The following BRD10 variants were observed in gnomAD, a reference collection of about 807,000 sequenced individuals.
The protein encoded by BRD10 is uncharacterized bromodomain-containing protein 10.
chr9:5,990,896 T>A, the BRD10 span, among the ~76,000 whole-genome samples: 4 of 152,224 alleles, frequency 2.6e-5, no homozygotes, highest in Non-Finnish European at 5.9e-5. Context: ...CCAACAGATG[T>A]AATTCAACAA....
chr9:5,914,862 C>T, the BRD10 span, among the ~76,000 whole-genome samples: 11 of 152,004 alleles, frequency 7.2e-5, no homozygotes, highest in African/African-American at 2.2e-4. Flanking sequence ...GAATTTTGTA[C>T]GATCATGGAG....
chr9:5,991,602 G>A, the BRD10 span, among the ~76,000 whole-genome samples: 1 of 151,742 alleles, frequency 6.6e-6, no homozygotes, highest in East Asian at 1.9e-4. Context: ...ACGTGCACCT[G>A]TAGTCCAAGC....
At chr9:5,996,927 A>G in the BRD10 span, among the ~76,000 whole-genome samples, 1 of 152,194 alleles carries the variant, frequency 6.6e-6, no homozygotes, top group East Asian at 1.9e-4. Context: ...AATGTTCCCT[A>G]GAAGATGCTA....
At chr9:5,961,817 T>G in the BRD10 span, among the ~76,000 whole-genome samples, 2 of 152,156 alleles carry the variant, frequency 1.3e-5, no homozygotes, top group African/African-American at 4.8e-5. Context: ...TTACCCAAAC[T>G]GCCTCAAACT....
chr9:5,942,926 G>T, the BRD10 span, among the ~76,000 whole-genome samples: 1 of 152,090 alleles, frequency 6.6e-6, no homozygotes, highest in East Asian at 1.9e-4. Context: ...TGCCCAGGAT[G>T]GAACGCAGTG....
At chr9:5,916,668 T>C in the BRD10 span, among the ~76,000 whole-genome samples, 3 of 152,010 alleles carry the variant, frequency 2.0e-5, no homozygotes, top group African/African-American at 7.2e-5. Context: ...AGGGAAGTGC[T>C]AACACACCAG....
chr9:5,993,664 C>T, the BRD10 span, among the ~76,000 whole-genome samples: 6 of 152,132 alleles, frequency 3.9e-5, no homozygotes, highest in Admixed American at 3.9e-4. Flanking sequence ...TGACAACTTG[C>T]AACCCAGCAA....
chr9:5,950,364 C>A, the BRD10 span, among the ~76,000 whole-genome samples: 1 of 152,164 alleles, frequency 6.6e-6, no homozygotes, highest in Non-Finnish European at 1.5e-5. Flanking sequence ...CTGTATCATT[C>A]AATCCTCACA....
chr9:5,922,621 T>G, the BRD10 span: 1 of 1,613,928 alleles, frequency 6.2e-7, no homozygotes, highest in African/African-American at 1.3e-5. Flanking sequence ...GTTGAAGTGG[T>G]GGCACTTCTT....
At chr9:5,920,216 C>G in the BRD10 span, 2 of 1,613,452 alleles carry the variant, frequency 1.2e-6, no homozygotes, top group East Asian at 4.5e-5. Context: ...GCCTTGGCCA[C>G]TGTTAAGAAC....
the BRD10 span, among the ~76,000 whole-genome samples, chr9:5,879,070 G>A: frequency 2.6e-5 from 4 of 152,130 alleles, no homozygotes; most frequent in Admixed American, 6.5e-5. Context: ...TTGTTCTGAC[G>A]CCTCATTAAA....
the BRD10 span, among the ~76,000 whole-genome samples, chr9:5,975,669 A>ACAGAGAGAGAAACTGTC: frequency 6.6e-6 from 1 of 152,252 alleles, no homozygotes; most frequent in East Asian, 1.9e-4. Flanking sequence ...GAACTTGAAG[A>ACAGAGAGAGAAACTGTC]CAGAGAGAGA....
At chr9:5,919,790 G>C in the BRD10 span, 4 of 1,613,812 alleles carry the variant, frequency 2.5e-6, no homozygotes, top group East Asian at 8.9e-5. Flanking sequence ...GAGAGATGGA[G>C]AGAGTGAAGA....
the BRD10 span, chr9:5,909,864 T>A: frequency 6.6e-6 from 1 of 152,196 alleles, no homozygotes; most frequent in African/African-American, 2.4e-5. Context: ...CAATTTGTTT[T>A]CCTTTGGCTA....
the BRD10 span, among the ~76,000 whole-genome samples, chr9:5,900,377 T>A: frequency 0.65 from 98,697 of 152,002 alleles, 33,631 homozygotes; most frequent in Non-Finnish European, 0.75. Context: ...ATTTATTTTT[T>A]AAATTAATAT....
chr9:5,922,370 C>G, the BRD10 span: 3 of 1,613,940 alleles, frequency 1.9e-6, no homozygotes, highest in Admixed American at 3.3e-5. Flanking sequence ...CTTGGCTTTT[C>G]CTGCCTCACT....
chr9:5,922,949 T>C, the BRD10 span: 2 of 1,614,040 alleles, frequency 1.2e-6, no homozygotes, highest in South Asian at 1.1e-5. Flanking sequence ...GGTCACTTTA[T>C]TCCCAATATT....
At chr9:5,939,529 A>G in the BRD10 span, among the ~76,000 whole-genome samples, 1 of 152,236 alleles carries the variant, frequency 6.6e-6, no homozygotes, top group South Asian at 2.1e-4. Context: ...GACATTCACA[A>G]GTTCCATCAA....
the BRD10 span, among the ~76,000 whole-genome samples, chr9:5,974,435 C>A: frequency 6.6e-6 from 1 of 152,096 alleles, no homozygotes; most frequent in East Asian, 1.9e-4. Context: ...AATCCTAATA[C>A]ATGAAATAAT....
Sources: gnomAD v4.1 joint callset for allele counts (sites outside exome capture counted in the v4.1 genomes callset) on GRCh38, gnomAD v4.1.1 for gene constraint, MANE v1.5 for transcripts, NCBI Gene and HGNC (gene_info 2026-07-23, HGNC 2026-07-21) for gene names.